The following HMBOX1 variants were observed in gnomAD, a reference collection of about 807,000 sequenced individuals.
HMBOX1 encodes the protein homeobox-containing protein 1.
Under a neutral mutation model 54.5 loss-of-function variants are expected in HMBOX1, and 14 were observed. That is an observed-to-expected ratio of 0.26 (90% CI 0.17 to 0.40). The LOEUF (loss-of-function observed/expected upper bound fraction) is 0.40, where lower values mean the gene tolerates loss of function less well. Among genes scored for constraint, HMBOX1 ranks in the 10% least tolerant of loss-of-function variants. The pLI is 1.00. For missense variants in HMBOX1, 332 were observed against 514.4 expected (o/e 0.65, Z 3.43); for synonymous variants, 160 against 181.0 (o/e 0.88, Z 0.93).
intron 1 of HMBOX1, among the ~76,000 whole-genome samples, chr8:28,956,518 G>A (rs1179907921): frequency 6.7e-5 from 10 of 149,534 alleles, no homozygotes; most frequent in Non-Finnish European, 5.9e-5. Flanking sequence ...AAATGCAATT[G>A]TTTTTTTTGC....
intron 4 of HMBOX1, among the ~76,000 whole-genome samples, chr8:29,008,517 G>A (rs1833784738): frequency 1.3e-5 from 2 of 151,940 alleles, no homozygotes; most frequent in African/African-American, 2.4e-5. Context: ...CTGTACTAAT[G>A]GTAATGACTC....
At chr8:29,008,771 C>G (rs1369081249) in intron 4 of HMBOX1, among the ~76,000 whole-genome samples, 2 of 152,112 alleles carry the variant, frequency 1.3e-5, no homozygotes, top group East Asian at 3.8e-4. Context: ...TGACAAATAG[C>G]TTTTACTTTA....
chr8:28,901,980 C>T (rs1042967990), intron 1 of HMBOX1, among the ~76,000 whole-genome samples: 7 of 152,204 alleles, frequency 4.6e-5, no homozygotes, highest in Non-Finnish European at 8.8e-5. Flanking sequence ...TGAACCTCGA[C>T]ACACTTAGAC....
At chr8:29,043,823 G>GT (rs1805184441) in intron 6 of HMBOX1, among the ~76,000 whole-genome samples, 1 of 152,144 alleles carries the variant, frequency 6.6e-6, no homozygotes, top group Admixed American at 6.5e-5. Flanking sequence ...CATTAGAAAT[G>GT]TGAAAGTGAA....
intron 6 of HMBOX1, among the ~76,000 whole-genome samples, chr8:29,027,564 T>C (rs1407759294): frequency 6.6e-6 from 1 of 152,196 alleles, no homozygotes; most frequent in African/African-American, 2.4e-5. Flanking sequence ...TATTCTAGTC[T>C]CAAGGGAGGA....
chr8:29,029,385 A>ATTT (rs1398118921), intron 6 of HMBOX1, among the ~76,000 whole-genome samples: 1 of 152,242 alleles, frequency 6.6e-6, no homozygotes, highest in East Asian at 1.9e-4. Context: ...TGAAACATTA[A>ATTT]AACCTATCTG....
chr8:28,894,597 C>A (rs147093064), intron 1 of HMBOX1, among the ~76,000 whole-genome samples: 40 of 152,286 alleles, frequency 2.6e-4, no homozygotes, highest in South Asian at 1.0e-3. Context: ...GCTATTCCCC[C>A]ACATTGCCCT....
intron 4 of HMBOX1, among the ~76,000 whole-genome samples, chr8:29,001,543 C>T (rs1832651401): frequency 7.5e-6 from 1 of 132,644 alleles, no homozygotes; most frequent in Non-Finnish European, 1.6e-5. Flanking sequence ...GAGCGAGATT[C>T]CATCTCAAAC....
intron 7 of HMBOX1, among the ~76,000 whole-genome samples, chr8:29,045,833 G>A (rs1473418241): frequency 6.6e-6 from 1 of 152,078 alleles, no homozygotes; most frequent in Non-Finnish European, 1.5e-5. Context: ...TAAAACAATT[G>A]TTATAAATTG....
At chr8:29,025,883 A>AT (rs1200778375) in intron 6 of HMBOX1, among the ~76,000 whole-genome samples, 1 of 151,752 alleles carries the variant, frequency 6.6e-6, no homozygotes, top group Non-Finnish European at 1.5e-5. Context: ...TTTCTGGTTT[A>AT]TTTTTTCCCA....
Position 28,909,109 on chromosome 8 carries a change from A to C in HMBOX1, c.-58+18431A>C, listed in dbSNP as rs578133731. 1.1e-4 allele frequency among the ~76,000 whole-genome samples: 17 copies of C among 152,100 alleles called. No homozygotes were observed. In the South Asian group the frequency reaches 3.5e-3, roughly 32 times the overall value. On this transcript the variant is annotated intron_variant, in intron 1 of 9. Transcript: ENST00000287701. ...GACCCTATCTCTAAAAAAAAAAAAA[A>C]AAAATTACTGTTGATTGTACCACCA...
Position 28,987,537 on chromosome 8 carries a change from A to G in HMBOX1, c.586+7381A>G, listed in dbSNP as rs183929532. Among the ~76,000 whole-genome samples the G allele has an allele frequency of 3.1e-3, 477 of 152,306 alleles. 2 individuals carry two copies. Among genetic ancestry groups the G allele is most frequent in the African/African-American group, 0.011 (441 of 41,568 alleles). On this transcript the variant is annotated intron_variant, in intron 4 of 9. Coordinates refer to ENST00000287701, the MANE Select transcript of HMBOX1 (RefSeq NM_001135726.3). ...TCATAAATAACTTCCTGCAGAAGAG[A>G]GACTCTGAAGAGAAAATAAATGCCA...
At chr8:28,975,399 T>A (rs1304963822) in intron 3 of HMBOX1, among the ~76,000 whole-genome samples, 1 of 152,204 alleles carries the variant, frequency 6.6e-6, no homozygotes, top group East Asian at 1.9e-4. Flanking sequence ...ACAGTTAAAT[T>A]GTGTCTTAGT....
chr8:28,925,780 T>A (rs941340778), intron 1 of HMBOX1, among the ~76,000 whole-genome samples: 1 of 152,100 alleles, frequency 6.6e-6, no homozygotes, highest in Non-Finnish European at 1.5e-5. Context: ...AAGGCTTTTT[T>A]ATATTTTAAA....
chr8:28,966,569 A>G (rs1015311067), intron 2 of HMBOX1, among the ~76,000 whole-genome samples: 1 of 152,228 alleles, frequency 6.6e-6, no homozygotes. Flanking sequence ...TTACTGCCAT[A>G]AATTCGTGAT....
intron 6 of HMBOX1, among the ~76,000 whole-genome samples, chr8:29,028,721 A>G (rs561809878): frequency 2.0e-5 from 3 of 152,324 alleles, no homozygotes; most frequent in Admixed American, 6.5e-5. Flanking sequence ...ACTCTGAACT[A>G]TGCTGAGTGA....
chr8:28,949,189 G>A (rs1245678683), intron 1 of HMBOX1, among the ~76,000 whole-genome samples: 3 of 152,228 alleles, frequency 2.0e-5, no homozygotes, highest in African/African-American at 7.2e-5. Context: ...AGGAGACTCT[G>A]CAACTCAGCT....
chr8:29,044,029 C>A (rs753257625), intron 6 of HMBOX1, among the ~76,000 whole-genome samples: 1 of 151,974 alleles, frequency 6.6e-6, no homozygotes, highest in Non-Finnish European at 1.5e-5. Context: ...TAGGTGGGGG[C>A]AGCTGCTGTG....
intron 4 of HMBOX1, among the ~76,000 whole-genome samples, chr8:28,994,162 C>G (rs1364411667): frequency 3.2e-5 from 4 of 124,576 alleles, no homozygotes; most frequent in Admixed American, 8.9e-5. Flanking sequence ...GCCAGACTCT[C>G]TCACCAAAAA....
Sources: gnomAD v4.1 joint callset for allele counts (sites outside exome capture counted in the v4.1 genomes callset) on GRCh38, gnomAD v4.1.1 for gene constraint, MANE v1.5 for transcripts, NCBI Gene and HGNC (gene_info 2026-07-23, HGNC 2026-07-21) for gene names.